NOL4: variants seen among roughly 807,000 people sequenced by gnomAD.
NOL4 encodes the protein cancer/testis antigen 125.
A neutral mutation model predicts 75.9 loss-of-function variants in NOL4; 17 were observed. The observed-to-expected ratio is 0.22, with a 90% CI of 0.15 to 0.34. The LOEUF is 0.34. Ranked by LOEUF, NOL4 falls within the 10% of genes least tolerant of loss-of-function variation. NOL4 has a pLI of 1.00. For synonymous variants in NOL4, 292 were observed against 289.9 expected (o/e 1.01, Z -0.07); for missense variants, 614 against 793.5 (o/e 0.77, Z 2.72).
intron 10 of NOL4, among the ~76,000 whole-genome samples, chr18:33,858,669 T>C (rs534984005): frequency 3.6e-4 from 55 of 152,224 alleles, no homozygotes; most frequent in African/African-American, 1.3e-3. Flanking sequence ...AGAATTTTAG[T>C]AGCATCATAA....
At chr18:34,028,926 T>G (rs901255716) in intron 5 of NOL4, among the ~76,000 whole-genome samples, 1 of 152,206 alleles carries the variant, frequency 6.6e-6, no homozygotes, top group Non-Finnish European at 1.5e-5. Flanking sequence ...TATTCTCTCT[T>G]TGATTACCAA....
At chr18:34,103,459 T>C (rs1052312028) in intron 4 of NOL4, among the ~76,000 whole-genome samples, 3 of 151,958 alleles carry the variant, frequency 2.0e-5, no homozygotes, top group Non-Finnish European at 4.4e-5. Context: ...TGTTGCTAAA[T>C]TTTCACTATA....
At chr18:33,941,912 T>C (rs914489748) in intron 9 of NOL4, among the ~76,000 whole-genome samples, 2 of 151,944 alleles carry the variant, frequency 1.3e-5, no homozygotes, top group Admixed American at 1.3e-4. Context: ...CACATATATG[T>C]GAATCAACAC....
chr18:34,183,248 C>T (rs1025815112), intron 1 of NOL4, among the ~76,000 whole-genome samples: 3 of 151,192 alleles, frequency 2.0e-5, no homozygotes, highest in African/African-American at 7.3e-5. Context: ...TCTGAACAAA[C>T]ACTTCACCAA....
intron 10 of NOL4, among the ~76,000 whole-genome samples, chr18:33,858,400 T>A (rs1421843927): frequency 2.0e-5 from 3 of 151,652 alleles, no homozygotes; most frequent in African/African-American, 7.3e-5. Flanking sequence ...AAAAAAAAAA[T>A]CAACTATAAA....
At chr18:33,985,641 T>A (rs2072377684) in intron 6 of NOL4, among the ~76,000 whole-genome samples, 1 of 152,130 alleles carries the variant, frequency 6.6e-6, no homozygotes, top group Admixed American at 6.6e-5. Context: ...CAATATTTTC[T>A]ATTATAGCAA....
At chr18:33,981,247 T>C (rs903777434) in intron 6 of NOL4, among the ~76,000 whole-genome samples, 2 of 146,170 alleles carry the variant, frequency 1.4e-5, no homozygotes, top group Non-Finnish European at 3.0e-5. Context: ...ATAATTAAGA[T>C]AGGAAAAAAA....
intron 1 of NOL4, among the ~76,000 whole-genome samples, chr18:34,160,092 G>T (rs2031223542): frequency 6.6e-6 from 1 of 152,168 alleles, no homozygotes; most frequent in South Asian, 2.1e-4. Context: ...GCGGAGAAGG[G>T]TGTCTTTTCT....
chr18:34,112,874 T>C (rs1399012129), intron 2 of NOL4, among the ~76,000 whole-genome samples: 2 of 152,174 alleles, frequency 1.3e-5, no homozygotes, highest in African/African-American at 2.4e-5. Context: ...TACCCACAAA[T>C]GGTTACTATA....
intron 9 of NOL4, among the ~76,000 whole-genome samples, chr18:33,900,987 T>C (rs1163937835): frequency 6.6e-6 from 1 of 152,190 alleles, no homozygotes. Context: ...AGTAAATGAG[T>C]ACTTGTACAT....
Position 33,873,855 on chromosome 18 carries a change from C to A in NOL4, c.1723+9389G>T, listed in dbSNP as rs1351075428. On this transcript the variant is annotated intron_variant, in intron 10 of 10. Transcript: ENST00000261592. ...ATAATAAGAAATACGCTTAGAATATCATGGGAACATATTGGAAGAAAATTT... is the reference window on the plus strand; with the variant it reads ...ATAATAAGAAATACGCTTAGAATATAATGGGAACATATTGGAAGAAAATTT... 3.3e-5 allele frequency among the ~76,000 whole-genome samples: 5 copies of A among 151,876 alleles called. No individual in the cohort carries two copies. In the East Asian group the frequency reaches 7.7e-4, roughly 24 times the overall value.
chr18:33,875,463 A>G (rs2063889801), intron 10 of NOL4, among the ~76,000 whole-genome samples: 1 of 152,052 alleles, frequency 6.6e-6, no homozygotes, highest in Non-Finnish European at 1.5e-5. Context: ...GCATCCTGGC[A>G]TCATTGGTAG....
At chr18:33,985,580 T>C (rs2072370486) in intron 6 of NOL4, among the ~76,000 whole-genome samples, 1 of 152,122 alleles carries the variant, frequency 6.6e-6, no homozygotes, top group Non-Finnish European at 1.5e-5. Flanking sequence ...GTCACTCCAA[T>C]TTGTTTTTCC....
chr18:33,857,070 C>T (rs895526199), intron 10 of NOL4, among the ~76,000 whole-genome samples: 1 of 151,966 alleles, frequency 6.6e-6, no homozygotes, highest in Non-Finnish European at 1.5e-5. Context: ...TGAGCATATT[C>T]ATCACTTAAA....
rs1016562065 is a variant in NOL4, at chr18:34,130,047, A to T, written c.265-27T>A. 5.3e-6 allele frequency: 8 copies of T among 1,500,522 alleles called. No individual in the cohort carries two copies. In the South Asian group the frequency reaches 8.4e-5, roughly 16 times the overall value. 93.0% of individuals were successfully genotyped at this position (1,500,522 alleles called of 1,614,324 possible). Reference sequence around the variant, plus strand: ...TGGAAACAAAACAACAACAACAAAAACCCATAAGATTAATAAACTAATTTG... The same window carrying T: ...TGGAAACAAAACAACAACAACAAAATCCCATAAGATTAATAAACTAATTTG... On this transcript the variant is annotated intron_variant, in intron 1 of 10. Coordinates refer to ENST00000261592, the MANE Select transcript of NOL4 (RefSeq NM_003787.5).
chr18:34,218,187 T>G (rs2037048992), intron 1 of NOL4, among the ~76,000 whole-genome samples: 1 of 151,904 alleles, frequency 6.6e-6, no homozygotes, highest in African/African-American at 2.4e-5. Context: ...TGACACAAAA[T>G]TAAAGTCCTT....
intron 9 of NOL4, among the ~76,000 whole-genome samples, chr18:33,940,823 A>G (rs2068429363): frequency 6.6e-6 from 1 of 151,998 alleles, no homozygotes; most frequent in African/African-American, 2.4e-5. Context: ...GAGGACATAT[A>G]AAAAGGAGAG....
chr18:33,929,451 T>C (rs2067542549), intron 9 of NOL4, among the ~76,000 whole-genome samples: 2 of 152,164 alleles, frequency 1.3e-5, no homozygotes, highest in African/African-American at 4.8e-5. Flanking sequence ...CTCACAGCAA[T>C]CTGATTACAG....
intron 6 of NOL4, among the ~76,000 whole-genome samples, chr18:34,003,851 T>C (rs2073880416): frequency 6.6e-6 from 1 of 152,054 alleles, no homozygotes; most frequent in African/African-American, 2.4e-5. Context: ...TGAAACCTAG[T>C]TCAGGGCATG....
Sources: allele counts gnomAD v4.1 joint callset (sites outside exome capture counted in the v4.1 genomes callset), GRCh38; gene constraint gnomAD v4.1.1; transcripts MANE v1.5; gene names NCBI Gene and HGNC (gene_info 2026-07-23, HGNC 2026-07-21).